The following CNTN4 variants were observed in gnomAD, a reference collection of about 807,000 sequenced individuals.
The protein encoded by CNTN4 is contactin-4.
In CNTN4, 77 loss-of-function variants were observed where a neutral mutation model predicts 122.5. That is an observed-to-expected ratio of 0.63 (90% CI 0.52 to 0.76). The LOEUF is 0.76. CNTN4 is among the 30% of genes least tolerant of loss of function. The pLI is 0.00. For synonymous variants in CNTN4, 512 were observed against 447.0 expected (o/e 1.15, Z -1.83); for missense variants, 1,256 against 1,259.1 (o/e 1.00, Z 0.04).
At chr3:2,221,200 G>A (rs558311411) in intron 2 of CNTN4, among the ~76,000 whole-genome samples, 4 of 152,098 alleles carry the variant, frequency 2.6e-5, no homozygotes, top group Non-Finnish European at 4.4e-5. Flanking sequence ...TCCCAGATTT[G>A]TGGGCCTTTC....
chr3:2,805,350 T>C (rs1028057697), intron 6 of CNTN4, among the ~76,000 whole-genome samples: 2 of 152,262 alleles, frequency 1.3e-5, no homozygotes, highest in East Asian at 1.9e-4. Flanking sequence ...TGCTGAAAAC[T>C]GCACTAGGAA....
At position 2,714,894 on chromosome 3, in the gene CNTN4, G is replaced by C. The variant is rs75652452; in HGVS notation, c.56-21321G>C. Among the ~76,000 whole-genome samples, 38 of 152,196 alleles carry C rather than the reference G, an allele frequency of 2.5e-4. 2 individuals carry two copies. In the East Asian group the frequency reaches 7.4e-3, roughly 29 times the overall value. On this transcript the variant is annotated intron_variant, in intron 4 of 24. Transcript: ENST00000418658. ...TGGGGTTACAGGCATGAGGCACCAC[G>C]CTGGGCCCAGTTCGAGAGTATTCAT... is the stretch of plus-strand genomic sequence containing the variant.
chr3:2,364,614 T>A (rs1445527582), intron 3 of CNTN4, among the ~76,000 whole-genome samples: 1 of 151,958 alleles, frequency 6.6e-6, no homozygotes, highest in African/African-American at 2.4e-5. Context: ...AGTTAAATAG[T>A]TATAGTGCAG....
chr3:2,800,009 A>G (rs2092308426), intron 6 of CNTN4, among the ~76,000 whole-genome samples: 1 of 150,042 alleles, frequency 6.7e-6, no homozygotes, highest in African/African-American at 2.4e-5. Context: ...TTTTTATACC[A>G]GTTCCATGCT....
intron 3 of CNTN4, among the ~76,000 whole-genome samples, chr3:2,562,193 T>C (rs1332584119): frequency 2.0e-5 from 3 of 152,108 alleles, no homozygotes; most frequent in Non-Finnish European, 4.4e-5. Context: ...TTCAACAGAG[T>C]GTTTAAATAT....
In CNTN4 at chr3:2,266,987, G is replaced by A. The variant is rs1197347173; in HGVS notation, c.-144-72191G>A. ...GCTTATTTTTATATAATGTTACAGG[G>A]AATCAAATTAAGAATTAAATGCATT... On this transcript the variant is annotated intron_variant, in intron 2 of 24. Coordinates refer to ENST00000418658, the MANE Select transcript of CNTN4 (RefSeq NM_175607.3). Among the ~76,000 whole-genome samples, 3 of 152,168 alleles carry A rather than the reference G, an allele frequency of 2.0e-5. No individual in the cohort carries two copies. The East Asian group carries it at 5.8e-4, about 29-fold the overall frequency.
chr3:2,147,166 A>C (rs1044319625), intron 2 of CNTN4, among the ~76,000 whole-genome samples: 1 of 152,164 alleles, frequency 6.6e-6, no homozygotes. Flanking sequence ...GGAGTGAGCC[A>C]CTGTGCCTGG....
intron 3 of CNTN4, among the ~76,000 whole-genome samples, chr3:2,354,800 C>G (rs1209625163): frequency 2.0e-5 from 3 of 152,124 alleles, no homozygotes; most frequent in East Asian, 3.9e-4. Context: ...TCCCTGCCAC[C>G]TACTCTTCCT....
At chr3:2,318,620 C>T (rs1033111170) in intron 2 of CNTN4, among the ~76,000 whole-genome samples, 1 of 151,740 alleles carries the variant, frequency 6.6e-6, no homozygotes, top group Non-Finnish European at 1.5e-5. Context: ...TTATTTTATA[C>T]GTCTGGTTTT....
intron 3 of CNTN4, among the ~76,000 whole-genome samples, chr3:2,546,180 T>G (rs6442739): frequency 1.3e-5 from 2 of 151,842 alleles, no homozygotes; most frequent in Admixed American, 6.6e-5. Flanking sequence ...TATACCCAAA[T>G]GAATATAAAT....
At chr3:2,296,601 G>A (rs535572198) in intron 2 of CNTN4, among the ~76,000 whole-genome samples, 21 of 152,060 alleles carry the variant, frequency 1.4e-4, no homozygotes, top group Non-Finnish European at 2.1e-4. Context: ...ATTTGTCTCA[G>A]GGTGCGTAGA....
At chr3:2,790,458 G>A (rs1334474068) in intron 6 of CNTN4, among the ~76,000 whole-genome samples, 1 of 152,154 alleles carries the variant, frequency 6.6e-6, no homozygotes, top group Non-Finnish European at 1.5e-5. Context: ...TCCTCAGAAG[G>A]GAAAGGAGCA....
intron 5 of CNTN4, among the ~76,000 whole-genome samples, chr3:2,737,913 A>G (rs2089232394): frequency 6.6e-6 from 1 of 152,236 alleles, no homozygotes; most frequent in Non-Finnish European, 1.5e-5. Flanking sequence ...TGGTTCTAGT[A>G]GCAGATGAAA....
chr3:2,245,023 G>T (rs1685526), intron 2 of CNTN4, among the ~76,000 whole-genome samples: 56,338 of 151,318 alleles, frequency 0.37, 10,604 homozygotes, highest in East Asian at 0.48. Context: ...TCAAATAAAC[G>T]GAGAAATACT....
At chr3:2,771,155 A>G (rs1198956523) in intron 6 of CNTN4, among the ~76,000 whole-genome samples, 1 of 152,212 alleles carries the variant, frequency 6.6e-6, no homozygotes, top group Non-Finnish European at 1.5e-5. Context: ...TTGGAAGTAT[A>G]CATACCCATG....
intron 7 of CNTN4, among the ~76,000 whole-genome samples, chr3:2,865,127 T>G (rs1186367910): frequency 6.6e-6 from 1 of 152,192 alleles, no homozygotes; most frequent in African/African-American, 2.4e-5. Context: ...ACACTGAGTA[T>G]CCTCTTGACA....
chr3:2,552,218 TAAC>T (rs1402099964), intron 3 of CNTN4, among the ~76,000 whole-genome samples: 1 of 151,926 alleles, frequency 6.6e-6, no homozygotes, highest in Non-Finnish European at 1.5e-5. Flanking sequence ...TTTACAAACA[TAAC>T]AAAACAAAAA....
In CNTN4 at chr3:2,668,672, G is replaced by C. The variant is rs375676286; in HGVS notation, c.56-67543G>C. Reference sequence around the variant, plus strand: ...GAGAGGGCATCCCTGTCTTGTGCCAGTTTTCAAAGGGAATGCTTCCAGTTT... The same window carrying C: ...GAGAGGGCATCCCTGTCTTGTGCCACTTTTCAAAGGGAATGCTTCCAGTTT... On this transcript the variant is annotated intron_variant, in intron 4 of 24. Coordinates refer to ENST00000418658, the MANE Select transcript of CNTN4 (RefSeq NM_175607.3). 5.8e-4 allele frequency among the ~76,000 whole-genome samples: 89 copies of C among 152,240 alleles called. 1 individual carries two copies. The East Asian group carries it at 0.014, about 24-fold the overall frequency.
intron 2 of CNTN4, among the ~76,000 whole-genome samples, chr3:2,200,188 A>G (rs1384820713): frequency 6.6e-6 from 1 of 152,170 alleles, no homozygotes; most frequent in Admixed American, 6.5e-5. Flanking sequence ...TCATTGTTCT[A>G]TGTGGTGGTA....
Sources: gnomAD v4.1 joint callset for allele counts (sites outside exome capture counted in the v4.1 genomes callset) on GRCh38, gnomAD v4.1.1 for gene constraint, MANE v1.5 for transcripts, NCBI Gene and HGNC (gene_info 2026-07-23, HGNC 2026-07-21) for gene names.